Variants in MACF1 observed in about 807,000 individuals in gnomAD.
The protein encoded by MACF1 is microtubule actin crosslinking factor 1, also known as microtubule-actin cross-linking factor 1.
In MACF1, 193 loss-of-function variants were observed where a neutral mutation model predicts 854.8. That is an observed-to-expected ratio of 0.23 (90% CI 0.20 to 0.25). The LOEUF is 0.25. MACF1 is among the 10% of genes least tolerant of loss of function. MACF1 has a pLI of 1.00. For synonymous variants in MACF1, 3,185 were observed against 3,226.7 expected (o/e 0.99, Z 0.44); for missense variants, 7,722 against 8,929.1 (o/e 0.86, Z 5.45).
Position 39,452,826 on chromosome 1 carries a change from G to A in MACF1, c.20742+14G>A, listed in dbSNP as rs1362172870. ...GACACCCATAAGGTAATCCAGCCTTGGGGTTTGGTGACCTCATGCTACCTA... is the reference window on the plus strand; with the variant it reads ...GACACCCATAAGGTAATCCAGCCTTAGGGTTTGGTGACCTCATGCTACCTA... On this transcript the variant is annotated intron_variant, in intron 87 of 100. Coordinates refer to ENST00000564288, the MANE Select transcript of MACF1 (RefSeq NM_001394062.1). 1 of 1,612,464 alleles carries A rather than the reference G, an allele frequency of 6.2e-7. No individual in the cohort carries two copies. The highest frequency in any genetic ancestry group is 8.5e-7 in the Non-Finnish European group (1 of 1,178,970).
At chr1:39,239,292 CA>C (rs1354024873) in intron 2 of MACF1, among the ~76,000 whole-genome samples, 1 of 147,010 alleles carries the variant, frequency 6.8e-6, no homozygotes, top group Non-Finnish European at 1.5e-5. Flanking sequence ...AAAAAACAAA[CA>C]AACAAACAAA....
At chr1:39,466,229 C>CT (rs375857979) in intron 95 of MACF1, among the ~76,000 whole-genome samples, 61 of 152,286 alleles carry the variant, frequency 4.0e-4, no homozygotes, top group African/African-American at 1.4e-3. Flanking sequence ...CCTTAGGACT[C>CT]TTATTTGTTC....
chr1:39,440,086 C>T (rs1388038235), intron 72 of MACF1, among the ~76,000 whole-genome samples: 7 of 98,402 alleles, frequency 7.1e-5, no homozygotes, highest in African/African-American at 1.7e-4. Context: ...TTTTTCTTTT[C>T]TTTTCTTTTC....
At chr1:39,165,436 G>A (rs934142406) in intron 2 of MACF1, among the ~76,000 whole-genome samples, 6 of 152,176 alleles carry the variant, frequency 3.9e-5, no homozygotes, top group African/African-American at 1.4e-4. Context: ...GCATGTCACT[G>A]GGCTAGAGAG....
intron 58 of MACF1, among the ~76,000 whole-genome samples, chr1:39,421,788 C>G (rs928037415): frequency 6.6e-6 from 1 of 151,994 alleles, no homozygotes. Context: ...AAAAATTAAG[C>G]AACAGGCCGG....
intron 58 of MACF1, among the ~76,000 whole-genome samples, chr1:39,407,373 T>C (rs1642753645): frequency 6.6e-6 from 1 of 152,206 alleles, no homozygotes; most frequent in Admixed American, 6.5e-5. Context: ...TTGTTCTTCA[T>C]AGGACAGGGT....
chr1:39,331,933 A>G lies in MACF1; in HGVS notation c.5345A>G (p.His1782Arg). 2 of 1,614,182 alleles carry G rather than the reference A, an allele frequency of 1.2e-6. No individual in the cohort carries two copies. Among genetic ancestry groups the G allele is most frequent in the Non-Finnish European group, 1.7e-6 (2 of 1,180,030 alleles). ...AGGIVDPRTG[H>R]RLTVEEAVRH... ...GGCATAGTAGATCCAAGAACAGGAC[A>G]CAGACTTACAGTGGAAGAGGCTGTA... The change falls in exon 37 of 101, where the codon CAC becomes CGC. Residue 1782 changes from histidine to arginine, a missense_variant. Around this residue, in one of 15 missense-constraint regions of MACF1, gnomAD observed 1,531 missense variants for 1,601.6 expected, o/e 0.96. Transcript: ENST00000564288.
In MACF1 at chr1:39,374,313, A is replaced by ATAAGTTT. The variant is rs1284836784; in HGVS notation, c.13213+1720_13213+1726dup. On this transcript the variant is annotated intron_variant, in intron 52 of 100. Coordinates refer to ENST00000564288, the MANE Select transcript of MACF1 (RefSeq NM_001394062.1). ...CTTGCTCGTTGTTAATTGAGATCAC[A>ATAAGTTT]TAAGTTTTATTACTAGTCTGTGATA... 2.6e-5 allele frequency among the ~76,000 whole-genome samples: 4 copies of ATAAGTTT among 152,234 alleles called. No homozygotes were observed. In the South Asian group the frequency reaches 6.2e-4, roughly 24 times the overall value.
intron 6 of MACF1, among the ~76,000 whole-genome samples, chr1:39,275,079 CTTT>C (rs765812955): frequency 4.3e-5 from 6 of 138,050 alleles, no homozygotes; most frequent in Admixed American, 7.3e-5. Flanking sequence ...CAATAAGATA[CTTT>C]TTTTTTTTTT....
At chr1:39,257,864 T>A (rs886392342) in intron 5 of MACF1, 72 bp from the exon 6 acceptor site, 2 of 1,095,458 alleles carry the variant, frequency 1.8e-6, no homozygotes, top group African/African-American at 3.1e-5. Context: ...AAATCAATAA[T>A]GAAGTGATGC....
In MACF1 at chr1:39,184,352, G is replaced by A. The variant is rs78758169; in HGVS notation, c.221-46830G>A. On this transcript the variant is annotated intron_variant, in intron 2 of 93. Coordinates refer to the MACF1 transcript ENST00000361689. ...GAAATGAGCCTCACATGGTCATACTGGCTGGTTTGAAGGCATGACATTTCC... is the reference window on the plus strand; with the variant it reads ...GAAATGAGCCTCACATGGTCATACTAGCTGGTTTGAAGGCATGACATTTCC... 7.9e-3 allele frequency among the ~76,000 whole-genome samples: 1,208 copies of A among 152,230 alleles called. 16 individuals are homozygous for A. Among genetic ancestry groups the A allele is most frequent in the African/African-American group, 0.027 (1,111 of 41,514 alleles).
Position 39,380,254 on chromosome 1 carries a change from C to T in MACF1, c.13529C>T (p.Ala4510Val). 2 of 1,613,078 alleles carry T rather than the reference C, an allele frequency of 1.2e-6. No individual in the cohort carries two copies. Among genetic ancestry groups the T allele is most frequent in the Non-Finnish European group, 1.7e-6 (2 of 1,179,542 alleles). ...AQAESNKAFL[A>V]ELEQNSPKIQ... ...CATTCTTTCTCCTAGGCCTTCCTGG[C>T]TGAGTTGGAACAGAATTCTCCAAAA... The change falls in exon 55 of 101, where the codon GCT (alanine) becomes GTT (valine). Residue 4510 changes from alanine (A) to valine (V), a missense_variant. Coordinates refer to ENST00000564288, the MANE Select transcript of MACF1 (RefSeq NM_001394062.1).
intron 2 of MACF1, among the ~76,000 whole-genome samples, chr1:39,232,263 T>A (rs1188912138): frequency 6.6e-6 from 1 of 151,950 alleles, no homozygotes; most frequent in African/African-American, 2.4e-5. Context: ...GTTTTTGAAT[T>A]ATAATAATAA....
At chr1:39,120,085 T>C (rs1420635272) in intron 2 of MACF1, among the ~76,000 whole-genome samples, 2 of 152,002 alleles carry the variant, frequency 1.3e-5, no homozygotes, top group Admixed American at 6.6e-5. Context: ...GGTTTCTCCA[T>C]ATTGATGAGG....
chr1:39,331,363 A>G lies in MACF1; in HGVS notation c.4775A>G (p.Asn1592Ser). The G allele has an allele frequency of 6.2e-7, 1 of 1,610,038 alleles. No individual in the cohort carries two copies. Among genetic ancestry groups the G allele is most frequent in the African/African-American group, 1.4e-5 (1 of 73,468 alleles). Reference protein sequence around the residue: ...SGLIAPETGENLSLEEGIARN... With the variant: ...SGLIAPETGESLSLEEGIARN... ...CTCATTGCCCCTGAGACGGGTGAAA[A>G]CCTCTCTTTGGAGGAGGGCATAGCC... The change falls in exon 37 of 101, where the codon AAC becomes AGC. Residue 1592 changes from asparagine to serine, a missense_variant. Around this residue, in one of 15 missense-constraint regions of MACF1, gnomAD observed 1,531 missense variants for 1,601.6 expected, o/e 0.96. Coordinates refer to ENST00000564288, the MANE Select transcript of MACF1 (RefSeq NM_001394062.1).
intron 2 of MACF1, among the ~76,000 whole-genome samples, chr1:39,153,353 G>A (rs1320055464): frequency 6.6e-6 from 1 of 152,136 alleles, no homozygotes; most frequent in Non-Finnish European, 1.5e-5. Flanking sequence ...TATCCTAAAA[G>A]CAAGTGTTTT....
intron 79 of MACF1, 152 bp downstream of exon 79, chr1:39,443,726 T>A: frequency 2.4e-6 from 2 of 841,898 alleles, no homozygotes; most frequent in Non-Finnish European, 3.5e-6. Flanking sequence ...TGCTGCCTGT[T>A]ACAGGCTTCT....
At chr1:39,285,994 T>G (rs1645634157) in intron 14 of MACF1, among the ~76,000 whole-genome samples, 1 of 152,176 alleles carries the variant, frequency 6.6e-6, no homozygotes, top group Non-Finnish European at 1.5e-5. Context: ...CATTGTGGCC[T>G]TTTGTAACAT....
At chr1:39,179,489 G>C (rs779774328) in intron 2 of MACF1, among the ~76,000 whole-genome samples, 8 of 152,148 alleles carry the variant, frequency 5.3e-5, no homozygotes, top group Non-Finnish European at 1.2e-4. Flanking sequence ...CTTAATCTCT[G>C]TAAGTCTTAG....
Sources: gnomAD v4.1 joint callset for allele counts (sites outside exome capture counted in the v4.1 genomes callset) on GRCh38, gnomAD v4.1.1 for gene constraint, gnomAD v4.1.1 regional missense constraint, MANE v1.5 for transcripts, NCBI Gene and HGNC (gene_info 2026-07-23, HGNC 2026-07-21) for gene names.